The following GRIK4 variants were observed in gnomAD, a reference collection of about 807,000 sequenced individuals.
GRIK4 encodes glutamate ionotropic receptor kainate type subunit 4, also known as glutamate receptor ionotropic, kainate 4.
In GRIK4, 40 loss-of-function variants were observed where a neutral mutation model predicts 104.9. The ratio of observed to expected loss-of-function variants is 0.38; its 90% CI spans 0.30 to 0.50. The LOEUF (loss-of-function observed/expected upper bound fraction) is 0.50, where lower values mean the gene tolerates loss of function less well. Among genes scored for constraint, GRIK4 ranks in the 20% least tolerant of loss-of-function variants. GRIK4 has a pLI of 0.93. For synonymous variants in GRIK4, 485 were observed against 524.9 expected (o/e 0.92, Z 1.04); for missense variants, 1,047 against 1,308.1 (o/e 0.80, Z 3.08).
intron 14 of GRIK4, among the ~76,000 whole-genome samples, chr11:120,946,788 A>G (rs1943870803): frequency 1.3e-5 from 2 of 152,230 alleles, no homozygotes; most frequent in South Asian, 4.1e-4. Context: ...TTTGGTCTCC[A>G]AATCTCCATA....
At chr11:120,754,420 A>G (rs1468177741) in intron 3 of GRIK4, among the ~76,000 whole-genome samples, 1 of 152,214 alleles carries the variant, frequency 6.6e-6, no homozygotes, top group Admixed American at 6.5e-5. Context: ...GCGTGTGTCA[A>G]TAATTCATTT....
At chr11:120,744,472 C>T (rs1017390731) in intron 3 of GRIK4, among the ~76,000 whole-genome samples, 8 of 152,162 alleles carry the variant, frequency 5.3e-5, no homozygotes, top group African/African-American at 1.2e-4. Flanking sequence ...TCTCTGGCTG[C>T]GTACAAGAAG....
chr11:120,755,967 G>A (rs1189130509), intron 3 of GRIK4, among the ~76,000 whole-genome samples: 2 of 152,150 alleles, frequency 1.3e-5, no homozygotes, highest in African/African-American at 4.8e-5. Flanking sequence ...TAATTTTTGA[G>A]ATTAGGATTA....
chr11:120,559,898 G>T (rs1299403602), intron 1 of GRIK4, among the ~76,000 whole-genome samples: 1 of 152,106 alleles, frequency 6.6e-6, no homozygotes, highest in Non-Finnish European at 1.5e-5. Context: ...ATTAGAGGGA[G>T]GCCTGAGAGG....
chr11:120,841,614 C>T (rs1046258678), intron 8 of GRIK4, among the ~76,000 whole-genome samples: 2 of 152,134 alleles, frequency 1.3e-5, no homozygotes, highest in African/African-American at 4.8e-5. Flanking sequence ...TGCTTTCAAT[C>T]CTTTTGTGTA....
At chr11:120,880,743 T>C (rs551412914) in intron 11 of GRIK4, among the ~76,000 whole-genome samples, 2 of 152,344 alleles carry the variant, frequency 1.3e-5, no homozygotes, top group Non-Finnish European at 2.9e-5. Flanking sequence ...AGGCACTGGG[T>C]CAAAATCTGC....
chr11:120,941,644 A>C (rs2030242162), intron 14 of GRIK4, among the ~76,000 whole-genome samples: 1 of 152,170 alleles, frequency 6.6e-6, no homozygotes, highest in Non-Finnish European at 1.5e-5. Flanking sequence ...GTCCTTATAA[A>C]AAGAAGGGAA....
chr11:120,762,294 AT>A (rs1477024306), intron 3 of GRIK4, among the ~76,000 whole-genome samples: 203 of 152,330 alleles, frequency 1.3e-3, no homozygotes, highest in Non-Finnish European at 2.0e-3. Flanking sequence ...TTGATTTTGT[AT>A]CCTAAGACTT....
intron 16 of GRIK4, among the ~76,000 whole-genome samples, chr11:120,960,010 CAG>C (rs1944253613): frequency 6.6e-6 from 1 of 151,754 alleles, no homozygotes; most frequent in South Asian, 2.1e-4. Context: ...GCCTGGATGA[CAG>C]AGCAAGACCC....
intron 1 of GRIK4, among the ~76,000 whole-genome samples, chr11:120,637,966 G>A (rs6589823): frequency 0.074 from 11,202 of 151,820 alleles, 1,359 homozygotes; most frequent in African/African-American, 0.25. Flanking sequence ...TAAAACCTCC[G>A]CCTCCCAGGT....
intron 2 of GRIK4, among the ~76,000 whole-genome samples, chr11:120,654,877 G>A (rs1768577621): frequency 6.6e-6 from 1 of 152,132 alleles, no homozygotes; most frequent in East Asian, 1.9e-4. Context: ...GCCAGACCAA[G>A]CCCCAGGCAC....
chr11:120,884,418 G>A (rs749066066), intron 11 of GRIK4, among the ~76,000 whole-genome samples: 1 of 152,214 alleles, frequency 6.6e-6, no homozygotes, highest in Non-Finnish European at 1.5e-5. Context: ...GGGGGTGAGC[G>A]AGACGCCCAG....
chr11:120,853,494 A>G (rs1292415097), intron 8 of GRIK4, among the ~76,000 whole-genome samples: 1 of 152,190 alleles, frequency 6.6e-6, no homozygotes, highest in Non-Finnish European at 1.5e-5. Flanking sequence ...ATCAGATTCA[A>G]GAGATGTAAA....
rs1306819313 is a variant in GRIK4 at position 120,963,400 on chromosome 11, CAAG to C, written c.2266+724_2266+726del. On this transcript the variant is annotated intron_variant, in intron 18 of 20. Coordinates refer to ENST00000527524, the MANE Select transcript of GRIK4 (RefSeq NM_014619.5). ...CCTTCCCCTGCTAACAGAACCTCCC[CAAG>C]AAGATGAGGAGAGAACATGTTTAGC... Among the ~76,000 whole-genome samples the C allele has an allele frequency of 3.3e-5, 5 of 152,302 alleles. No individual in the cohort carries two copies. In the South Asian group the frequency reaches 6.2e-4, roughly 19 times the overall value.
At chr11:120,982,605 A>G (rs1409722415) in intron 20 of GRIK4, among the ~76,000 whole-genome samples, 1 of 152,210 alleles carries the variant, frequency 6.6e-6, no homozygotes, top group Non-Finnish European at 1.5e-5. Context: ...TCAATTCCCC[A>G]GCTGTGGCTT....
At chr11:120,838,969 T>C (rs1034371461) in intron 8 of GRIK4, among the ~76,000 whole-genome samples, 1 of 152,124 alleles carries the variant, frequency 6.6e-6, no homozygotes, top group Non-Finnish European at 1.5e-5. Flanking sequence ...GTATTTTTAG[T>C]AGAGACGGCG....
intron 1 of GRIK4, among the ~76,000 whole-genome samples, chr11:120,614,956 G>A (rs538607468): frequency 3.9e-5 from 6 of 152,246 alleles, no homozygotes; most frequent in South Asian, 2.1e-4. Context: ...CTGAGATCGC[G>A]CCACTGCACT....
chr11:120,855,766 T>C (rs1200245470), intron 8 of GRIK4, among the ~76,000 whole-genome samples: 1 of 152,220 alleles, frequency 6.6e-6, no homozygotes, highest in Non-Finnish European at 1.5e-5. Flanking sequence ...TTTCACCATA[T>C]TGGCCAGGCT....
At chr11:120,853,726 A>C (rs1217221702) in intron 8 of GRIK4, among the ~76,000 whole-genome samples, 1 of 152,238 alleles carries the variant, frequency 6.6e-6, no homozygotes, top group Non-Finnish European at 1.5e-5. Flanking sequence ...ATACGGTCTT[A>C]AGGATATCTT....
Sources: allele counts gnomAD v4.1 joint callset (sites outside exome capture counted in the v4.1 genomes callset), GRCh38; gene constraint gnomAD v4.1.1; transcripts MANE v1.5; gene names NCBI Gene and HGNC (gene_info 2026-07-23, HGNC 2026-07-21).